TMEM132D: variants seen among roughly 807,000 people sequenced by gnomAD.
TMEM132D encodes the protein mature OL transmembrane protein.
A neutral mutation model predicts 62.3 loss-of-function variants in TMEM132D; 21 were observed. That is an observed-to-expected ratio of 0.34 (90% CI 0.24 to 0.49). The LOEUF is 0.49. Ranked by LOEUF, TMEM132D falls within the 20% of genes least tolerant of loss-of-function variation. The pLI is 0.99. For synonymous variants in TMEM132D, 621 were observed against 575.6 expected (o/e 1.08, Z -1.13); for missense variants, 1,346 against 1,402.8 (o/e 0.96, Z 0.65).
At chr12:129,444,338 G>C (rs1183965178) in intron 3 of TMEM132D, among the ~76,000 whole-genome samples, 1 of 152,000 alleles carries the variant, frequency 6.6e-6, no homozygotes, top group African/African-American at 2.4e-5. Context: ...ACGGAATGGG[G>C]GAAAATTTTT....
chr12:129,686,081 C>T (rs1321691212), intron 2 of TMEM132D, among the ~76,000 whole-genome samples: 1 of 152,130 alleles, frequency 6.6e-6, no homozygotes, highest in African/African-American at 2.4e-5. Flanking sequence ...AAACTTTGAA[C>T]TTGGACTTCT....
intron 1 of TMEM132D, among the ~76,000 whole-genome samples, chr12:129,702,250 G>A (rs117541514): frequency 0.017 from 2,537 of 152,264 alleles, 102 homozygotes; most frequent in East Asian, 0.13. Flanking sequence ...AACCATTTGA[G>A]ACTGCTTATA....
intron 5 of TMEM132D, among the ~76,000 whole-genome samples, chr12:129,089,000 A>C (rs867349068): frequency 3.4e-5 from 1 of 29,268 alleles, no homozygotes; most frequent in Non-Finnish European, 5.1e-5. Flanking sequence ...GGTGTCCTCT[A>C]TGACCGGGAT....
At chr12:129,356,589 G>A (rs1024283064) in intron 3 of TMEM132D, among the ~76,000 whole-genome samples, 3 of 151,146 alleles carry the variant, frequency 2.0e-5, no homozygotes, top group South Asian at 2.1e-4. Context: ...AGGCCTAGGC[G>A]GGAGGGCTGC....
intron 1 of TMEM132D, among the ~76,000 whole-genome samples, chr12:129,706,165 T>G (rs1359619388): frequency 6.6e-6 from 1 of 151,984 alleles, no homozygotes; most frequent in Non-Finnish European, 1.5e-5. Context: ...TGGCTTAGAT[T>G]ATTCCATTAA....
At position 129,420,306 on chromosome 12, in the gene TMEM132D, G is replaced by GGTTTTTTT. The variant is rs1457529737; in HGVS notation, c.1116-82490_1116-82489insAAAAAAAC. On this transcript the variant is annotated intron_variant, in intron 3 of 8. Transcript: ENST00000422113. ...AATTTCAAATTATTGCACGTTCTCT[G>GGTTTTTTT]TTTTTTTTTTTTTTTTTTTTTTTTG... is the stretch of plus-strand genomic sequence containing the variant. Among the ~76,000 whole-genome samples the GGTTTTTTT allele has an allele frequency of 5.3e-5, 6 of 112,312 alleles. No homozygotes were observed. The East Asian group carries it at 1.1e-3, about 20-fold the overall frequency. The allele number at this position is 112,312 out of a possible 152,430, so 73.7% of individuals were successfully genotyped here.
chr12:129,451,054 G>T (rs190169846), intron 3 of TMEM132D, among the ~76,000 whole-genome samples: 3 of 151,986 alleles, frequency 2.0e-5, no homozygotes, highest in Non-Finnish European at 4.4e-5. Flanking sequence ...GAGCCACCGC[G>T]CCCGGCCAAT....
chr12:129,762,706 T>A (rs1236520598), intron 1 of TMEM132D, among the ~76,000 whole-genome samples: 1 of 152,190 alleles, frequency 6.6e-6, no homozygotes, highest in East Asian at 1.9e-4. Flanking sequence ...CCAGGCAGTC[T>A]GTTTCTAGAG....
intron 2 of TMEM132D, among the ~76,000 whole-genome samples, chr12:129,568,683 G>C (rs1877432784): frequency 6.6e-6 from 1 of 152,102 alleles, no homozygotes; most frequent in African/African-American, 2.4e-5. Context: ...TCTTATGTTT[G>C]GTTCATTATT....
At chr12:129,751,506 T>A (rs571407140) in intron 1 of TMEM132D, among the ~76,000 whole-genome samples, 2 of 151,084 alleles carry the variant, frequency 1.3e-5, no homozygotes, top group Non-Finnish European at 3.0e-5. Flanking sequence ...ATTTCCTGTG[T>A]CGCCCCCACC....
At chr12:129,808,447 A>G (rs1357293715) in intron 1 of TMEM132D, among the ~76,000 whole-genome samples, 1 of 152,240 alleles carries the variant, frequency 6.6e-6, no homozygotes, top group East Asian at 1.9e-4. Context: ...GGGTTGCTAC[A>G]GTAATATCAG....
chr12:129,683,886 G>T (rs1278077033), intron 2 of TMEM132D, among the ~76,000 whole-genome samples: 1 of 152,146 alleles, frequency 6.6e-6, no homozygotes, highest in Non-Finnish European at 1.5e-5. Context: ...ACCCAAGAAG[G>T]AACCAAGGGC....
chr12:129,119,917 G>T (rs1876005312), intron 5 of TMEM132D, among the ~76,000 whole-genome samples: 1 of 152,180 alleles, frequency 6.6e-6, no homozygotes, highest in South Asian at 2.1e-4. Flanking sequence ...GAAGGAGACA[G>T]TGGAGAGAGG....
At chr12:129,125,791 T>G (rs553808442) in intron 5 of TMEM132D, among the ~76,000 whole-genome samples, 9 of 152,174 alleles carry the variant, frequency 5.9e-5, no homozygotes, top group Admixed American at 2.6e-4. Context: ...TTCTAAATAC[T>G]CACTCTTGAC....
intron 1 of TMEM132D, among the ~76,000 whole-genome samples, chr12:129,747,672 GAC>G (rs1380054513): frequency 2.7e-5 from 4 of 147,042 alleles, no homozygotes; most frequent in Admixed American, 6.8e-5. Flanking sequence ...CACACATTCA[GAC>G]ACACACAGAC....
chr12:129,406,619 C>CAA (rs772303670), intron 3 of TMEM132D, among the ~76,000 whole-genome samples: 1,990 of 102,072 alleles, frequency 0.019, 54 homozygotes, highest in African/African-American at 0.061. Context: ...GACTCCACCT[C>CAA]AAAAAAAAAA....
intron 3 of TMEM132D, among the ~76,000 whole-genome samples, chr12:129,492,628 T>C (rs1224055875): frequency 1.3e-5 from 2 of 152,234 alleles, no homozygotes; most frequent in Non-Finnish European, 2.9e-5. Flanking sequence ...AAATACAGTA[T>C]ACACACTGTC....
intron 2 of TMEM132D, among the ~76,000 whole-genome samples, chr12:129,583,998 AAC>A (rs1333424856): frequency 6.6e-6 from 1 of 152,206 alleles, no homozygotes; most frequent in African/African-American, 2.4e-5. Context: ...TTCAATAGGA[AAC>A]AGTTAATTTT....
At chr12:129,234,983 C>A (rs186264639) in intron 4 of TMEM132D, among the ~76,000 whole-genome samples, 3 of 151,308 alleles carry the variant, frequency 2.0e-5, no homozygotes. Context: ...ATATTTGAGA[C>A]ACTTCATTAA....
Sources: gnomAD v4.1 joint callset for allele counts (sites outside exome capture counted in the v4.1 genomes callset) on GRCh38, gnomAD v4.1.1 for gene constraint, MANE v1.5 for transcripts, NCBI Gene and HGNC (gene_info 2026-07-23, HGNC 2026-07-21) for gene names.